ZNF74: variants seen among roughly 807,000 people sequenced by gnomAD.
ZNF74 encodes zinc finger protein 520.
In ZNF74, 12 loss-of-function variants were observed where a neutral mutation model predicts 17.7. That is an observed-to-expected ratio of 0.68 (90% confidence interval 0.43 to 1.10). The LOEUF (loss-of-function observed/expected upper bound fraction) is 1.10, where lower values mean the gene tolerates loss of function less well. Ranked by LOEUF, ZNF74 falls within the 50% of genes least tolerant of loss-of-function variation. ZNF74 has a pLI of 0.00. For missense variants in ZNF74, 811 were observed against 881.0 expected, an observed-to-expected ratio of 0.92 and a Z score of 1.01; for synonymous variants, 358 against 362.1, an observed-to-expected ratio of 0.99 and a Z score of 0.13.
chr22:20,394,260 C>T lies in ZNF74; in HGVS notation c.-369C>T. On this transcript the variant is annotated 5_prime_UTR_variant, in exon 1 of 5. Coordinates refer to ENST00000400451, the MANE Select transcript of ZNF74 (RefSeq NM_003426.4). ...CGGCGGTCTCTGTCCGCTTCGGGAC[C>T]TGTCCGCTGGTCGCTCCGCGTCCGA... 1 of 706,460 alleles carries T rather than the reference C, an allele frequency of 1.4e-6. No homozygotes were observed. The highest frequency in any genetic ancestry group is 2.6e-6 in the Non-Finnish European group (1 of 381,938). 43.8% of individuals were successfully genotyped at this position (706,460 alleles called of 1,614,324 possible). A position where few individuals can be genotyped will look rare whatever the true frequency, so the allele number is the denominator to read the frequency against.
rs573989553 is a variant in ZNF74 at position 20,394,485 on chromosome 22, T to A, written c.-144T>A. Reference sequence around the variant, plus strand: ...GGAGGGGGCTCCGTGCGTGTGATCGTGCAGCTGTGAGCGCGTGGCCGCCCC... The same window carrying A: ...GGAGGGGGCTCCGTGCGTGTGATCGAGCAGCTGTGAGCGCGTGGCCGCCCC... On this transcript the variant is annotated 5_prime_UTR_variant, in exon 1 of 5. Transcript: ENST00000400451. The A allele has an allele frequency of 5.1e-5, 41 of 810,166 alleles. 2 individuals are homozygous for A. In the South Asian group the frequency reaches 6.3e-4, roughly 13 times the overall value. The allele number at this position is 810,166 out of a possible 1,614,324, so 50.2% of individuals were successfully genotyped here.
chr22:20,406,670 A>G lies in ZNF74; in HGVS notation c.1637A>G (p.His546Arg), dbSNP rs1330597377. The G allele has an allele frequency of 2.5e-6, 4 of 1,614,220 alleles. No individual in the cohort carries two copies. The highest frequency in any genetic ancestry group is 3.4e-6 in the Non-Finnish European group (4 of 1,180,038). Reference protein sequence around the residue: ...AFSQNHCLIKHQKIHSGEKSF... With the variant: ...AFSQNHCLIKRQKIHSGEKSF... Reference sequence around the variant, plus strand: ...AGCCAGAACCACTGTCTCATTAAACATCAGAAAATCCACTCCGGGGAGAAG... The same window carrying G: ...AGCCAGAACCACTGTCTCATTAAACGTCAGAAAATCCACTCCGGGGAGAAG... Residue 546 changes from histidine (H) to arginine (R), a missense_variant, in exon 5 of 5, where the codon CAT becomes CGT. This residue lies in a region of ZNF74 where 30 missense variants were observed against 59.2 expected (regional missense o/e 0.51). Coordinates refer to ENST00000400451, the MANE Select transcript of ZNF74 (RefSeq NM_003426.4).
chr22:20,402,169 T>C (rs2052365779), intron 4 of ZNF74, among the ~76,000 whole-genome samples: 1 of 152,112 alleles, frequency 6.6e-6, no homozygotes, highest in African/African-American at 2.4e-5. Flanking sequence ...CGATAAGCTG[T>C]GGAGCACAGA....
chr22:20,398,048 G>A (rs899719023), intron 2 of ZNF74, among the ~76,000 whole-genome samples: 7 of 152,224 alleles, frequency 4.6e-5, no homozygotes, highest in African/African-American at 1.7e-4. Context: ...GCCGGGTGCA[G>A]TGGCTCACGC....
At position 20,405,949 on chromosome 22, in the gene ZNF74, T is replaced by C. The variant is rs1300467284; in HGVS notation, c.916T>C (p.Cys306Arg). ...CCACACCGGCGAGAAGCCCTTCTTCTGCGGCGAGTGCGGGAAGGCCTTCAG... is the reference window on the plus strand; with the variant it reads ...CCACACCGGCGAGAAGCCCTTCTTCCGCGGCGAGTGCGGGAAGGCCTTCAG... ...RIHTGEKPFF[C>R]GECGKAFSCH... Residue 306 changes from cysteine (C) to arginine (R), a missense_variant, in exon 5 of 5, where the codon TGC becomes CGC. Transcript: ENST00000400451. The C allele has an allele frequency of 6.8e-6, 11 of 1,613,726 alleles. No individual in the cohort carries two copies. Among genetic ancestry groups the C allele is most frequent in the Non-Finnish European group, 9.3e-6 (11 of 1,179,956 alleles).
intron 2 of ZNF74, chr22:20,400,364 C>T (rs112684010): frequency 0.011 from 5,123 of 452,320 alleles, 46 homozygotes; most frequent in Non-Finnish European, 0.017. Flanking sequence ...TGGGTCCCAC[C>T]GCAAGTTGCC....
intron 2 of ZNF74, among the ~76,000 whole-genome samples, chr22:20,396,957 A>T (rs1049341190): frequency 3.3e-5 from 5 of 152,196 alleles, no homozygotes; most frequent in African/African-American, 1.2e-4. Flanking sequence ...TGCGGGCCTC[A>T]GACCCTACCC....
chr22:20,399,358 G>C (rs1372752306), intron 2 of ZNF74, among the ~76,000 whole-genome samples: 1 of 148,228 alleles, frequency 6.7e-6, no homozygotes, highest in Non-Finnish European at 1.5e-5. Context: ...AATCTACTTT[G>C]CTATTACTAT....
At chr22:20,396,736 T>C (rs1192132904) in intron 2 of ZNF74, among the ~76,000 whole-genome samples, 8 of 152,228 alleles carry the variant, frequency 5.3e-5, no homozygotes. Flanking sequence ...CATTTTCTCT[T>C]GACAGTCTCA....
At position 20,407,079 on chromosome 22, in the gene ZNF74, T is replaced by G. The variant is rs1464750158; in HGVS notation, c.*111T>G. On this transcript the variant is annotated 3_prime_UTR_variant, in exon 5 of 5. Coordinates refer to ENST00000400451, the MANE Select transcript of ZNF74 (RefSeq NM_003426.4). ...CCACCTTCCTCCAGGTGTGGGAGCC[T>G]TGCCTTATCACCCCCATCAGGTCTG... 4.8e-6 allele frequency: 7 copies of G among 1,448,232 alleles called. No homozygotes were observed. The highest frequency in any genetic ancestry group is 1.8e-6 in the Non-Finnish European group (2 of 1,103,482). 89.7% of individuals were successfully genotyped at this position (1,448,232 alleles called of 1,614,324 possible). A position where few individuals can be genotyped will look rare whatever the true frequency, so the allele number is the denominator to read the frequency against.
Position 20,405,739 on chromosome 22 carries a change from C to A in ZNF74, c.706C>A (p.Arg236Ser). 1 of 1,603,156 alleles carries A rather than the reference C, an allele frequency of 6.2e-7. No homozygotes were observed. The highest frequency in any genetic ancestry group is 8.5e-7 in the Non-Finnish European group (1 of 1,175,498). The change falls in exon 5 of 5, where the codon CGC becomes AGC. Residue 236 changes from arginine (R) to serine (S), a missense_variant. This residue lies in a region of ZNF74 where 666 missense variants were observed against 702.3 expected (regional missense o/e 0.95). Coordinates refer to ENST00000400451, the MANE Select transcript of ZNF74 (RefSeq NM_003426.4). The part of the protein sequence containing the change: ...PSEPEKFPQV[R>S]RQRGAGAGEG... ...TGAGCCAGAAAAGTTCCCCCAGGTG[C>A]GCCGGCAGCGCGGGGCGGGCGCCGG...
At chr22:20,398,348 C>T (rs1465317627) in intron 2 of ZNF74, among the ~76,000 whole-genome samples, 2 of 132,698 alleles carry the variant, frequency 1.5e-5, no homozygotes, top group Non-Finnish European at 3.3e-5. Flanking sequence ...AAACCTCTCT[C>T]GGAGTTACCA....
intron 2 of ZNF74, among the ~76,000 whole-genome samples, chr22:20,396,785 A>G (rs145823926): frequency 6.6e-6 from 1 of 152,300 alleles, no homozygotes; most frequent in Non-Finnish European, 1.5e-5. Context: ...CTCCTGGGAC[A>G]TCTTGTGTGG....
chr22:20,398,316 C>CAAAAA (rs362022), intron 2 of ZNF74, among the ~76,000 whole-genome samples: 2 of 128,148 alleles, frequency 1.6e-5, no homozygotes, highest in Non-Finnish European at 3.2e-5. Context: ...GACCATGTCT[C>CAAAAA]AAAAAAAAAA....
In ZNF74 at chr22:20,394,668, G is replaced by A; in HGVS notation, c.34+6G>A. ...CCCGGAGCCCGAGAAGACAGGTACAGCTTCACTCTTGTAGTCAGTATGTCT... is the reference window on the plus strand; with the variant it reads ...CCCGGAGCCCGAGAAGACAGGTACAACTTCACTCTTGTAGTCAGTATGTCT... On this transcript the variant is annotated splice_donor_region_variant and intron_variant, in intron 1 of 4. Coordinates refer to ENST00000400451, the MANE Select transcript of ZNF74 (RefSeq NM_003426.4). 1 of 1,614,142 alleles carries A rather than the reference G, an allele frequency of 6.2e-7. No individual in the cohort carries two copies. Among genetic ancestry groups the A allele is most frequent in the South Asian group, 1.1e-5 (1 of 91,088 alleles).
rs578196980 is a variant in ZNF74, at chr22:20,406,527, G to C, written c.1494G>C (p.Lys498Asn). ...ACCGGCGCATCCACACAGGCGAGAA[G>C]CCCTTCGACTGCAGCCAGTGTTGGA... ...IVHRRIHTGE[K>N]PFDCSQCWKA... The change falls in exon 5 of 5, where the codon AAG becomes AAC. Residue 498 changes from lysine to asparagine, a missense_variant. By Grantham distance (94) the Lys-to-Asn change is moderately conservative. Coordinates refer to ENST00000400451, the MANE Select transcript of ZNF74 (RefSeq NM_003426.4). The C allele has an allele frequency of 6.2e-7, 1 of 1,614,170 alleles. No homozygotes were observed. Among genetic ancestry groups the C allele is most frequent in the South Asian group, 1.1e-5 (1 of 91,088 alleles).
rs2052363959 is a variant in ZNF74, at chr22:20,402,000, G to A, written c.343+628G>A. Among the ~76,000 whole-genome samples, 1 of 152,220 alleles carries A rather than the reference G, an allele frequency of 6.6e-6. No individual in the cohort carries two copies. Among genetic ancestry groups the A allele is most frequent in the South Asian group, 2.1e-4 (1 of 4,830 alleles). On this transcript the variant is annotated intron_variant, in intron 4 of 4. Transcript: ENST00000400451. This position sits in a 1 kb window ranked among gnomAD's most constrained non-coding sequence, Gnocchi z 4.2. ...GGACTGGGGTGGGTGTTGAGCAGAA[G>A]GTAGTCTGCTTTTCTTCTCCAACAT...
chr22:20,407,024 C>A lies in ZNF74; in HGVS notation c.*56C>A. The A allele has an allele frequency of 1.3e-6, 2 of 1,517,174 alleles. No homozygotes were observed. The highest frequency in any genetic ancestry group is 2.6e-5 in the South Asian group (2 of 75,880). 94.0% of individuals were successfully genotyped at this position (1,517,174 alleles called of 1,614,324 possible). ...TCTGAGCTACTCAACAAGGAAAGCA[C>A]CCTGGTCCTCCCTGGCTCCTAGATC... On this transcript the variant is annotated 3_prime_UTR_variant, in exon 5 of 5. Coordinates refer to ENST00000400451, the MANE Select transcript of ZNF74 (RefSeq NM_003426.4).
chr22:20,394,315 G>T lies in ZNF74; in HGVS notation c.-314G>T. ...TCCTGGCCGCGGAACCTTAGGCCTG[G>T]CCCTGGTCTCCGAGCGCGGGTTCGC... On this transcript the variant is annotated 5_prime_UTR_variant, in exon 1 of 5. Coordinates refer to ENST00000400451, the MANE Select transcript of ZNF74 (RefSeq NM_003426.4). 1.4e-6 allele frequency: 1 copy of T among 699,760 alleles called. No homozygotes were observed. 43.3% of individuals were successfully genotyped at this position (699,760 alleles called of 1,614,324 possible).
Sources: gnomAD v4.1 joint callset for allele counts (sites outside exome capture counted in the v4.1 genomes callset) on GRCh38, gnomAD v4.1.1 for gene constraint, gnomAD v4.1.1 regional missense constraint, Gnocchi (gnomAD v3.1) non-coding constraint, MANE v1.5 for transcripts, NCBI Gene and HGNC (gene_info 2026-07-23, HGNC 2026-07-21) for gene names.